Variants in RANBP17 observed in about 807,000 individuals in gnomAD.
RANBP17 encodes the protein RAN binding protein 17, also known as ran-binding protein 17.
In RANBP17, 158 loss-of-function variants were observed where a neutral mutation model predicts 141.2. That is an observed-to-expected ratio of 1.12 (90% CI 0.98 to 1.28). RANBP17 has a LOEUF of 1.28. Among genes scored for constraint, RANBP17 ranks in the 50% most tolerant of loss-of-function variants. The pLI is 0.00. For missense variants in RANBP17, 1,438 were observed against 1,290.7 expected, an observed-to-expected ratio of 1.11 and a Z score of -1.75; for synonymous variants, 430 against 450.0, an observed-to-expected ratio of 0.96 and a Z score of 0.56.
intron 16 of RANBP17, among the ~76,000 whole-genome samples, chr5:171,177,024 T>G (rs1461078555): frequency 6.6e-6 from 1 of 152,214 alleles, no homozygotes; most frequent in Admixed American, 6.5e-5. Context: ...AGTATTAAAA[T>G]GCATTGCTTT....
intron 14 of RANBP17, among the ~76,000 whole-genome samples, chr5:170,996,047 A>G (rs76563211): frequency 6.6e-6 from 1 of 152,014 alleles, no homozygotes; most frequent in Admixed American, 6.6e-5. Context: ...AAAAAAAAAA[A>G]GTTATTGCTC....
chr5:171,241,160 A>G lies in RANBP17; in HGVS notation c.2637+18A>G. Reference sequence around the variant, plus strand: ...ACTTGCTAGTAAGCAATCATGCATCATGGGAGTGTTTGTATGAAATGTGAA... The same window carrying G: ...ACTTGCTAGTAAGCAATCATGCATCGTGGGAGTGTTTGTATGAAATGTGAA... On this transcript the variant is annotated intron_variant, in intron 23 of 27. Transcript: ENST00000523189. 6.3e-7 allele frequency: 1 copy of G among 1,578,374 alleles called. No homozygotes were observed.
chr5:171,131,047 C>T (rs1483463439), intron 14 of RANBP17, among the ~76,000 whole-genome samples: 1 of 152,138 alleles, frequency 6.6e-6, no homozygotes, highest in Non-Finnish European at 1.5e-5. Flanking sequence ...TTCAGTTACA[C>T]AGAATTGGGT....
chr5:171,101,822 G>C (rs752453905), intron 14 of RANBP17, among the ~76,000 whole-genome samples: 1 of 152,184 alleles, frequency 6.6e-6, no homozygotes, highest in African/African-American at 2.4e-5. Context: ...TTGCTTGTCT[G>C]TAAAGAATTT....
In RANBP17 at chr5:171,196,684, T is replaced by C. The variant is rs566068347; in HGVS notation, c.2039-2986T>C. Among the ~76,000 whole-genome samples, 4 of 152,350 alleles carry C rather than the reference T, an allele frequency of 2.6e-5. No individual in the cohort carries two copies. In the East Asian group the frequency reaches 5.8e-4, roughly 22 times the overall value. On this transcript the variant is annotated intron_variant, in intron 18 of 27. Transcript: ENST00000523189. ...AGATGTTTTGTCATTTACTTAATTC[T>C]CATGGCTAACTTTATGAAGTAAATA...
intron 12 of RANBP17, among the ~76,000 whole-genome samples, chr5:170,930,952 T>C (rs1773320935): frequency 6.6e-6 from 1 of 152,208 alleles, no homozygotes; most frequent in African/African-American, 2.4e-5. Context: ...GGTCAAATGT[T>C]ATTTCTAGTT....
intron 1 of RANBP17, 74 bp from the exon 2 acceptor site, chr5:170,878,023 C>A: frequency 9.8e-7 from 1 of 1,017,042 alleles, no homozygotes; most frequent in Non-Finnish European, 1.4e-6. Flanking sequence ...TATTTGTATC[C>A]CTTGTTTTTT....
chr5:171,158,735 A>G (rs1286648337), intron 14 of RANBP17, among the ~76,000 whole-genome samples: 3 of 151,962 alleles, frequency 2.0e-5, no homozygotes, highest in African/African-American at 7.3e-5. Flanking sequence ...ACTCATTAGA[A>G]ATGTTTTCAT....
intron 14 of RANBP17, among the ~76,000 whole-genome samples, chr5:171,142,779 A>G (rs1355624780): frequency 6.6e-6 from 1 of 152,236 alleles, no homozygotes; most frequent in Non-Finnish European, 1.5e-5. Flanking sequence ...TAACAACTAC[A>G]TAAAGCAAGT....
rs566423305 is a variant in RANBP17, at chr5:170,985,678, A to G, written c.1710+17301A>G. On this transcript the variant is annotated intron_variant, in intron 14 of 27. Coordinates refer to ENST00000523189, the MANE Select transcript of RANBP17 (RefSeq NM_022897.5). ...ATCTGCTTTCTTTCCAGTACCTTTCATCTGCCAGATGTCAACTGGAAAACA... is the reference window on the plus strand; with the variant it reads ...ATCTGCTTTCTTTCCAGTACCTTTCGTCTGCCAGATGTCAACTGGAAAACA... Among the ~76,000 whole-genome samples, 9 of 152,294 alleles carry G rather than the reference A, an allele frequency of 5.9e-5. No homozygotes were observed. In the South Asian group the frequency reaches 8.3e-4, roughly 14 times the overall value.
intron 18 of RANBP17, among the ~76,000 whole-genome samples, chr5:171,196,226 C>T (rs1036465418): frequency 2.0e-5 from 3 of 152,040 alleles, no homozygotes; most frequent in African/African-American, 7.3e-5. Flanking sequence ...TCAGGGAAGG[C>T]CTCTCTGAGG....
intron 18 of RANBP17, among the ~76,000 whole-genome samples, chr5:171,197,890 T>C (rs1762068054): frequency 6.6e-6 from 1 of 151,972 alleles, no homozygotes; most frequent in South Asian, 2.1e-4. Flanking sequence ...TACAAAAAAA[T>C]TAGCCGGGCG....
rs551824176 is a variant in RANBP17, at chr5:171,222,084, A to G, written c.2422+244A>G. Among the ~76,000 whole-genome samples the G allele has an allele frequency of 1.2e-3, 180 of 152,354 alleles. 2 individuals are homozygous for G. Among genetic ancestry groups the G allele is most frequent in the South Asian group, 1.2e-3 (6 of 4,824 alleles). On this transcript the variant is annotated intron_variant, in intron 22 of 27. Coordinates refer to ENST00000523189, the MANE Select transcript of RANBP17 (RefSeq NM_022897.5). ...TTTTGGATAAAATTGCAGTGTCAGTAGATGAGGGAATACACTAGGTAGAAT... is the reference window on the plus strand; with the variant it reads ...TTTTGGATAAAATTGCAGTGTCAGTGGATGAGGGAATACACTAGGTAGAAT...
intron 14 of RANBP17, among the ~76,000 whole-genome samples, chr5:171,062,989 G>A (rs1205458619): frequency 1.3e-5 from 2 of 151,838 alleles, no homozygotes; most frequent in East Asian, 1.9e-4. Context: ...CGTAGTTCTC[G>A]AGCCTTGGCT....
At chr5:170,904,402 T>C (rs1183301861) in intron 5 of RANBP17, 1 of 158,896 alleles carries the variant, frequency 6.3e-6, no homozygotes, top group Non-Finnish European at 1.4e-5. Context: ...CACCACTGTA[T>C]GAGTGGATGC....
intron 24 of RANBP17, among the ~76,000 whole-genome samples, chr5:171,249,176 C>T (rs1385394539): frequency 6.6e-6 from 1 of 152,178 alleles, no homozygotes; most frequent in South Asian, 2.1e-4. Flanking sequence ...ATGCTACTTA[C>T]AACCAAAGAA....
At chr5:171,215,601 G>T (rs1396394269) in intron 21 of RANBP17, among the ~76,000 whole-genome samples, 2 of 152,010 alleles carry the variant, frequency 1.3e-5, no homozygotes, top group African/African-American at 2.4e-5. Context: ...CCATTCTAAT[G>T]GGCATGAGAT....
chr5:171,014,638 T>G (rs529661415), intron 14 of RANBP17, among the ~76,000 whole-genome samples: 1 of 152,164 alleles, frequency 6.6e-6, no homozygotes, highest in South Asian at 2.1e-4. Flanking sequence ...ATATATACAT[T>G]ATAAGCCTCA....
chr5:170,892,610 A>G lies in RANBP17; in HGVS notation c.423+57A>G. On this transcript the variant is annotated intron_variant, in intron 4 of 27. Coordinates refer to ENST00000523189, the MANE Select transcript of RANBP17 (RefSeq NM_022897.5). ...CACTACTTGCTTTTTTTGGTTTAGAATACTGCTCTTCTTAAAGCGATATAG... is the reference window on the plus strand; with the variant it reads ...CACTACTTGCTTTTTTTGGTTTAGAGTACTGCTCTTCTTAAAGCGATATAG... The G allele has an allele frequency of 2.2e-6, 3 of 1,380,072 alleles. No homozygotes were observed. In the South Asian group the frequency reaches 4.0e-5, roughly 18 times the overall value. The allele number at this position is 1,380,072 out of a possible 1,614,324, so 85.5% of individuals were successfully genotyped here. A position where few individuals can be genotyped will look rare whatever the true frequency, so the allele number is the denominator to read the frequency against.
Sources: allele counts gnomAD v4.1 joint callset (sites outside exome capture counted in the v4.1 genomes callset), GRCh38; gene constraint gnomAD v4.1.1; transcripts MANE v1.5; gene names NCBI Gene and HGNC (gene_info 2026-07-23, HGNC 2026-07-21).